PSD2: variants seen among roughly 807,000 people sequenced by gnomAD.
PSD2 encodes the protein pleckstrin and Sec7 domain containing 2, also known as PH and SEC7 domain-containing protein 2.
PSD2 carries 38 observed loss-of-function variants against 69.8 expected under a neutral mutation model. The ratio of observed to expected loss-of-function variants is 0.54; its 90% CI spans 0.42 to 0.71. The LOEUF (loss-of-function observed/expected upper bound fraction) is 0.71. Among genes scored for constraint, PSD2 ranks in the 30% least tolerant of loss-of-function variants. The pLI, the probability that PSD2 is intolerant of heterozygous loss-of-function variation, is 0.00. For missense variants in PSD2, 943 were observed against 1,014.5 expected, an observed-to-expected ratio of 0.93 and a Z score of 0.96; for synonymous variants, 412 against 423.0, an observed-to-expected ratio of 0.97 and a Z score of 0.32.
Position 139,842,373 on chromosome 5 carries a change from G to A in PSD2, c.2215G>A (p.Asp739Asn). The A allele has an allele frequency of 6.2e-7, 1 of 1,614,198 alleles. No individual in the cohort carries two copies. The highest frequency in any genetic ancestry group is 8.5e-7 in the Non-Finnish European group (1 of 1,179,996). The change falls in exon 15 of 15, where the codon GAT (aspartate) becomes AAT (asparagine). Residue 739 changes from aspartate (D) to asparagine (N), a missense_variant. By Grantham distance (23) the Asp-to-Asn change is conservative (BLOSUM62 1). Around this residue, in one of 3 missense-constraint regions of PSD2, gnomAD observed 165 missense variants for 168.8 expected, o/e 0.98. Transcript: ENST00000274710. ...GGCCCGGCTGGCCACTCTGGAAGGG[G>A]ATGACCCTTCTCTCCGGAAGACACA... ...IEARLATLEG[D>N]DPSLRKTHSS...
At chr5:139,747,188 C>G in the PSD2 span, among the ~76,000 whole-genome samples, 5 of 152,274 alleles carry the variant, frequency 3.3e-5, no homozygotes, top group East Asian at 9.7e-4. The surrounding 1 kb of genome is among the most constrained non-coding windows in gnomAD (Gnocchi z 6.7). Flanking sequence ...CTCCGCTCGC[C>G]TCTTGCTCAT....
the PSD2 span, among the ~76,000 whole-genome samples, chr5:139,768,440 T>A: frequency 1.3e-5 from 2 of 152,102 alleles, no homozygotes; most frequent in African/African-American, 4.8e-5. Context: ...ACACCTTCCT[T>A]GGCCAGGCAT....
the PSD2 span, among the ~76,000 whole-genome samples, chr5:139,760,763 T>C: frequency 1.1e-4 from 17 of 152,164 alleles, no homozygotes; most frequent in Admixed American, 1.1e-3. Flanking sequence ...TGGTCTGCCT[T>C]TGTGGCAATG....
intron 5 of PSD2, among the ~76,000 whole-genome samples, 178 bp downstream of exon 5, chr5:139,817,739 C>G (rs1211097784): frequency 2.0e-5 from 3 of 152,180 alleles, no homozygotes; most frequent in Non-Finnish European, 4.4e-5. Flanking sequence ...CGAGTGCCCA[C>G]TTTGTAGTAG....
At position 139,833,770 on chromosome 5, in the gene PSD2, C is replaced by T; in HGVS notation, c.1338C>T (p.Asp446=). The T allele has an allele frequency of 1.2e-6, 2 of 1,613,800 alleles. No individual in the cohort carries two copies. Among genetic ancestry groups the T allele is most frequent in the Non-Finnish European group, 1.7e-6 (2 of 1,179,706 alleles). ...ANLDQLNDGQ[D]FAKDLLKTLY... is the part of the protein sequence containing the mutation. Reference sequence around the variant, plus strand: ...TGGACCAGCTGAATGATGGCCAAGACTTTGCCAAAGACCTGCTGAAGGTAC... The same window carrying T: ...TGGACCAGCTGAATGATGGCCAAGATTTTGCCAAAGACCTGCTGAAGGTAC... The change falls in exon 8 of 15, where the codon GAC becomes GAT. Residue 446 remains aspartate (D), a synonymous_variant. Coordinates refer to ENST00000274710, the MANE Select transcript of PSD2 (RefSeq NM_032289.4).
chr5:139,816,848 T>C (rs1760133153), intron 4 of PSD2, among the ~76,000 whole-genome samples: 1 of 152,224 alleles, frequency 6.6e-6, no homozygotes, highest in African/African-American at 2.4e-5. Context: ...CAGCTGTGAA[T>C]TGATGACTCT....
the PSD2 span, among the ~76,000 whole-genome samples, chr5:139,744,563 G>A: frequency 5.9e-5 from 9 of 152,156 alleles, no homozygotes; most frequent in African/African-American, 1.4e-4. Context: ...GACAGATGGC[G>A]AGGGATTATC....
At chr5:139,813,177 T>C (rs1760015898) in intron 2 of PSD2, 132 bp from the exon 3 acceptor site, 4 of 688,214 alleles carry the variant, frequency 5.8e-6, no homozygotes, top group Non-Finnish European at 9.6e-6. Context: ...TAGTATTGGC[T>C]GAAGGGATAA....
chr5:139,832,662 G>C (rs557657938), intron 7 of PSD2, among the ~76,000 whole-genome samples: 11 of 152,256 alleles, frequency 7.2e-5, no homozygotes, highest in Non-Finnish European at 1.3e-4. Context: ...CCATCTCCTG[G>C]AATACCAGAG....
rs772529202 is a variant in PSD2, at chr5:139,814,174, C to G, written c.826C>G (p.Pro276Ala). ...TDKLLNSASD[P>A]SLKDGLSDSD... is the part of the protein sequence containing the mutation. ...CCACCCACCTTCCATCTGCAGTGAC[C>G]CCAGCCTGAAGGATGGCCTGTCAGA... is the stretch of plus-strand genomic sequence containing the variant. The change falls in exon 4 of 15, where the codon CCC (proline) becomes GCC (alanine). Residue 276 changes from proline (P) to alanine (A), a missense_variant. By Grantham distance (27) the Pro-to-Ala change is conservative. This residue lies in a region of PSD2 where 466 missense variants were observed against 445.0 expected (regional missense o/e 1.05). Transcript: ENST00000274710. This position sits in a 1 kb window ranked among gnomAD's most constrained non-coding sequence, Gnocchi z 4.4. 12 of 1,613,224 alleles carry G rather than the reference C, an allele frequency of 7.4e-6. No individual in the cohort carries two copies. In the South Asian group the frequency reaches 1.3e-4, roughly 18 times the overall value.
the PSD2 span, among the ~76,000 whole-genome samples, chr5:139,775,709 C>G: frequency 6.6e-6 from 1 of 152,166 alleles, no homozygotes; most frequent in African/African-American, 2.4e-5. Context: ...GCTCTTATCG[C>G]CCAGGCTGGA....
At chr5:139,763,186 T>G in the PSD2 span, among the ~76,000 whole-genome samples, 1 of 152,084 alleles carries the variant, frequency 6.6e-6, no homozygotes, top group Non-Finnish European at 1.5e-5. Flanking sequence ...TCTTGTCTAT[T>G]CCCTCCAGAT....
rs1379225145 is a variant in PSD2, at chr5:139,795,968, C to T, written c.-58C>T. On this transcript the variant is annotated 5_prime_UTR_variant, in exon 1 of 15. Coordinates refer to ENST00000274710, the MANE Select transcript of PSD2 (RefSeq NM_032289.4). This position sits in a 1 kb window ranked among gnomAD's most constrained non-coding sequence, Gnocchi z 4.5. ...GAGAGGCCGGACCCGCGGCGGGGAC[C>T]AGCAGCGGTGAGTGGGGCCGCGGGG... 2.0e-5 allele frequency: 3 copies of T among 150,934 alleles called. No individual in the cohort carries two copies. Among genetic ancestry groups the T allele is most frequent in the African/African-American group, 7.3e-5 (3 of 41,298 alleles). 9.3% of individuals were successfully genotyped at this position (150,934 alleles called of 1,614,324 possible).
the PSD2 span, among the ~76,000 whole-genome samples, chr5:139,749,005 G>A: frequency 6.6e-6 from 1 of 152,120 alleles, no homozygotes; most frequent in African/African-American, 2.4e-5. Context: ...CCTCAGGGCA[G>A]ACAGTCCTTC....
At chr5:139,754,127 C>T in the PSD2 span, among the ~76,000 whole-genome samples, 7 of 152,150 alleles carry the variant, frequency 4.6e-5, no homozygotes, top group Non-Finnish European at 7.3e-5. Flanking sequence ...TGAGCCACTG[C>T]GCCGGACCAG....
At chr5:139,822,142 T>A (rs1350457741) in intron 6 of PSD2, 137 bp downstream of exon 6, 1 of 553,730 alleles carries the variant, frequency 1.8e-6, no homozygotes. Context: ...ATGCAGTAGG[T>A]GCTCAATGAA....
intron 14 of PSD2, 28 bp downstream of exon 14, chr5:139,840,198 G>A (rs769811267): frequency 1.9e-6 from 3 of 1,611,206 alleles, no homozygotes; most frequent in Non-Finnish European, 2.5e-6. Flanking sequence ...GGATTGCAAA[G>A]CCCAGTGCCC....
chr5:139,760,767 G>C, the PSD2 span, among the ~76,000 whole-genome samples: 3 of 152,212 alleles, frequency 2.0e-5, no homozygotes, highest in African/African-American at 7.2e-5. Context: ...CTGCCTTTGT[G>C]GCAATGTGAG....
chr5:139,808,735 C>T (rs1581714422), intron 1 of PSD2, among the ~76,000 whole-genome samples: 2 of 152,212 alleles, frequency 1.3e-5, no homozygotes, highest in African/African-American at 4.8e-5. Flanking sequence ...CTGAGAGGCT[C>T]CCGGGTGGCA....
Sources: allele counts gnomAD v4.1 joint callset (sites outside exome capture counted in the v4.1 genomes callset), GRCh38; gene constraint gnomAD v4.1.1; regional missense constraint gnomAD v4.1.1; non-coding constraint Gnocchi (gnomAD v3.1); transcripts MANE v1.5; gene names NCBI Gene and HGNC (gene_info 2026-07-23, HGNC 2026-07-21).